Variants in GALNT5 observed in about 807,000 individuals in gnomAD.
The protein encoded by GALNT5 is polypeptide N-acetylgalactosaminyltransferase 5.
Under a neutral mutation model 85.4 loss-of-function variants are expected in GALNT5, and 72 were observed. The observed-to-expected ratio is 0.84, with a 90% confidence interval of 0.70 to 1.03. The LOEUF is 1.03. Ranked by LOEUF, GALNT5 falls within the 50% of genes least tolerant of loss-of-function variation. The pLI is 0.00. For missense variants in GALNT5, 1,137 were observed against 1,135.5 expected (o/e 1.00, Z -0.02); for synonymous variants, 404 against 397.0 (o/e 1.02, Z -0.21).
chr2:157,263,884 T>C (rs1386511344), intron 1 of GALNT5, among the ~76,000 whole-genome samples: 2 of 152,210 alleles, frequency 1.3e-5, no homozygotes, highest in Non-Finnish European at 2.9e-5. Context: ...TATTCATTAA[T>C]TTGTGTTTAT....
In GALNT5 at chr2:157,295,664, T is replaced by C; in HGVS notation, c.1743T>C (p.Gly581=). ...ARLAGAQNAT[G]DVLTFLDSHV... is the part of the protein sequence containing the mutation. ...TTTTGTGTGTGTTTGGCCCTCTAGG[T>C]GATGTGTTGACATTTTTAGATTCTC... is the stretch of plus-strand genomic sequence containing the variant. Residue 581 remains glycine (G), a splice_region_variant and synonymous_variant, in exon 4 of 10, where the codon GGT becomes GGC. Transcript: ENST00000259056. 2 of 1,612,402 alleles carry C rather than the reference T, an allele frequency of 1.2e-6. No homozygotes were observed. The highest frequency in any genetic ancestry group is 1.7e-6 in the Non-Finnish European group (2 of 1,179,044).
Position 157,260,324 on chromosome 2 carries a change from C to T in GALNT5, c.1454+788C>T, listed in dbSNP as rs150218877. On this transcript the variant is annotated intron_variant, in intron 1 of 9. Transcript: ENST00000259056. ...AAATTAACAAGCTGGCGAGGGCGCT[C>T]AGAAGTTACAACACTTTCTCAAGGT... is the stretch of plus-strand genomic sequence containing the variant. Among the ~76,000 whole-genome samples, 339 of 152,358 alleles carry T rather than the reference C, an allele frequency of 2.2e-3. 1 individual carries two copies. Among genetic ancestry groups the T allele is most frequent in the African/African-American group, 7.7e-3 (322 of 41,584 alleles).
intron 3 of GALNT5, among the ~76,000 whole-genome samples, chr2:157,287,845 A>G (rs74886571): frequency 0.044 from 6,634 of 152,280 alleles, 259 homozygotes; most frequent in East Asian, 0.16. Context: ...GCTGATTTAT[A>G]TGCTAGGTGC....
chr2:157,304,001 G>A (rs1042452027), intron 7 of GALNT5, among the ~76,000 whole-genome samples: 1 of 152,094 alleles, frequency 6.6e-6, no homozygotes, highest in Admixed American at 6.5e-5. Flanking sequence ...CCACCTGTTC[G>A]GCTCTGTGGA....
rs768853895 is a variant in GALNT5, at chr2:157,300,851, G to A, written c.2291G>A (p.Gly764Glu). ...DEYKELFYGH[G>E]DHLIDQGLDV... ...TATAAGGAGCTGTTCTATGGCCACG[G>A]AGACCACCTCATCGACCAAGGGCTA... Residue 764 changes from glycine (G) to glutamate (E), a missense_variant, in exon 7 of 10, where the codon GGA (glycine) becomes GAA (glutamate). Transcript: ENST00000259056. 1 of 1,614,050 alleles carries A rather than the reference G, an allele frequency of 6.2e-7. No homozygotes were observed. Among genetic ancestry groups the A allele is most frequent in the Non-Finnish European group, 8.5e-7 (1 of 1,179,972 alleles).
chr2:157,264,423 C>T (rs528782969), intron 1 of GALNT5, among the ~76,000 whole-genome samples: 2 of 152,288 alleles, frequency 1.3e-5, no homozygotes, highest in African/African-American at 4.8e-5. Flanking sequence ...GCGTGCTTGT[C>T]TACCACTGCT....
chr2:157,296,558 T>C, intron 5 of GALNT5, 45 bp downstream of exon 5: 1 of 1,499,886 alleles, frequency 6.7e-7, no homozygotes, highest in Non-Finnish European at 9.2e-7. Flanking sequence ...ATGTATCTTT[T>C]TGTAAAAGCA....
intron 3 of GALNT5, among the ~76,000 whole-genome samples, chr2:157,288,652 A>G (rs1227727161): frequency 6.6e-6 from 1 of 152,236 alleles, no homozygotes; most frequent in African/African-American, 2.4e-5. Context: ...TCACTTAAAG[A>G]TTGTAGGCAT....
rs1682815374 is a variant in GALNT5, at chr2:157,279,641, C to T, written c.1455-4641C>T. ...TGCCAAGCCAGGCACAGGAAAGAAT[C>T]TCTGGGTCTGCCAGTTGCTGAGACT... is the stretch of plus-strand genomic sequence containing the variant. On this transcript the variant is annotated intron_variant, in intron 1 of 9. Transcript: ENST00000259056. 2.0e-5 allele frequency among the ~76,000 whole-genome samples: 3 copies of T among 152,368 alleles called. No homozygotes were observed. In the South Asian group the frequency reaches 6.2e-4, roughly 32 times the overall value.
intron 1 of GALNT5, among the ~76,000 whole-genome samples, chr2:157,273,199 G>C (rs1682630200): frequency 6.6e-6 from 1 of 152,074 alleles, no homozygotes. Context: ...CATCACAAGA[G>C]ATTCTGAGAA....
chr2:157,270,994 T>C (rs1167377237), intron 1 of GALNT5, among the ~76,000 whole-genome samples: 1 of 151,982 alleles, frequency 6.6e-6, no homozygotes, highest in Admixed American at 6.6e-5. Context: ...CAGGTGCCTG[T>C]AGTCCCAGCT....
intron 9 of GALNT5, among the ~76,000 whole-genome samples, chr2:157,310,021 G>A (rs535728271): frequency 2.0e-5 from 3 of 152,060 alleles, no homozygotes; most frequent in South Asian, 4.1e-4. Flanking sequence ...GAGAGAGTGA[G>A]AGAGAGAGAA....
chr2:157,305,798 T>A lies in GALNT5; in HGVS notation c.2489T>A (p.Val830Asp). The A allele has an allele frequency of 6.2e-7, 1 of 1,609,924 alleles. No individual in the cohort carries two copies. The highest frequency in any genetic ancestry group is 1.3e-5 in the African/African-American group (1 of 74,948). ...GKCISIENTTVILEDCDGSKE... is the reference protein window; with the variant it reads ...GKCISIENTTDILEDCDGSKE... ...TGCATTTCCATTGAAAACACTACAG[T>A]CATTCTGGAAGACTGCGATGGGAGC... is the stretch of plus-strand genomic sequence containing the variant. The change falls in exon 8 of 10, where the codon GTC (valine) becomes GAC (aspartate). Residue 830 changes from valine to aspartate, a missense_variant. Transcript: ENST00000259056.
intron 1 of GALNT5, among the ~76,000 whole-genome samples, chr2:157,263,190 T>C (rs1412006413): frequency 6.7e-6 from 1 of 148,698 alleles, no homozygotes; most frequent in African/African-American, 2.6e-5. Context: ...ACTGTCCTTT[T>C]CTGTCTGCCC....
At chr2:157,308,035 C>T (rs1403952328) in intron 8 of GALNT5, among the ~76,000 whole-genome samples, 1 of 152,126 alleles carries the variant, frequency 6.6e-6, no homozygotes, top group African/African-American at 2.4e-5. Flanking sequence ...GGACTTCCAC[C>T]TTTCCTACAA....
intron 3 of GALNT5, 43 bp downstream of exon 3, chr2:157,286,177 A>C (rs1483556390): frequency 1.3e-6 from 2 of 1,539,862 alleles, no homozygotes; most frequent in African/African-American, 2.8e-5. Flanking sequence ...TTTTTATTTT[A>C]ATTTAAAATG....
rs141519466 is a variant in GALNT5, at chr2:157,259,223, A to C, written c.1141A>C (p.Thr381Pro). Residue 381 changes from threonine to proline, a missense_variant, in exon 1 of 10, where the codon ACT becomes CCT. Transcript: ENST00000259056. The part of the protein sequence containing the change: ...LAPHRVPLSQ[T>P]NHALTGGLEP... ...TCCACATAGAGTGCCACTGTCCCAA[A>C]CTAACCATGCTTTAACTGGAGGGCT... 1.9e-5 allele frequency: 31 copies of C among 1,602,188 alleles called. No homozygotes were observed. The African/African-American group carries it at 4.2e-4, about 22-fold the overall frequency.
chr2:157,305,600 A>G (rs774578572), intron 7 of GALNT5, 149 bp from the exon 8 acceptor site: 3 of 577,564 alleles, frequency 5.2e-6, no homozygotes, highest in Non-Finnish European at 3.1e-6. Context: ...AGAGATAGCA[A>G]CCAATAAAAC....
Position 157,311,721 on chromosome 2 carries a change from A to G in GALNT5, c.*373A>G. ...TAATAATCAGCTCTTCTGGCCCACA[A>G]GTAGGAATGATCAATGAGAACTTAA... On this transcript the variant is annotated 3_prime_UTR_variant, in exon 10 of 10. Coordinates refer to ENST00000259056, the MANE Select transcript of GALNT5 (RefSeq NM_014568.3). 6.3e-6 allele frequency: 1 copy of G among 158,070 alleles called. No homozygotes were observed. Among genetic ancestry groups the G allele is most frequent in the Non-Finnish European group, 1.4e-5 (1 of 72,224 alleles). The allele number at this position is 158,070 out of a possible 1,614,324, so 9.8% of individuals were successfully genotyped here.
Sources: gnomAD v4.1 joint callset for allele counts (sites outside exome capture counted in the v4.1 genomes callset) on GRCh38, gnomAD v4.1.1 for gene constraint, MANE v1.5 for transcripts, NCBI Gene and HGNC (gene_info 2026-07-23, HGNC 2026-07-21) for gene names.